RBFOX1: variants seen among roughly 807,000 people sequenced by gnomAD.
RBFOX1 encodes RNA binding fox-1 homolog 1.
Under a neutral mutation model 57.7 loss-of-function variants are expected in RBFOX1, and 8 were observed. That is an observed-to-expected ratio of 0.14 (90% CI 0.08 to 0.25). RBFOX1 has a LOEUF of 0.25. Among genes scored for constraint, RBFOX1 ranks in the 10% least tolerant of loss-of-function variants. The probability of loss-of-function intolerance (pLI) is 1.00; values close to 1 mark genes in which losing one functional copy is unlikely to be tolerated. For synonymous variants in RBFOX1, 326 were observed against 222.4 expected (o/e 1.47, Z -4.15); for missense variants, 611 against 548.5 (o/e 1.11, Z -1.14).
intron 4 of RBFOX1, among the ~76,000 whole-genome samples, chr16:7,490,644 A>C (rs1196409770): frequency 6.6e-6 from 1 of 152,196 alleles, no homozygotes; most frequent in African/African-American, 2.4e-5. Flanking sequence ...AACCATGAGG[A>C]AGAAAACAGA....
chr16:7,253,708 C>G (rs1320203855), intron 4 of RBFOX1, among the ~76,000 whole-genome samples: 4 of 152,168 alleles, frequency 2.6e-5, no homozygotes, highest in Non-Finnish European at 5.9e-5. Flanking sequence ...AACCCCTACT[C>G]CATCACCACA....
rs149602108 is a variant in RBFOX1, at chr16:7,098,107, G to T, written c.27+46009G>T. 7.8e-3 allele frequency among the ~76,000 whole-genome samples: 1,189 copies of T among 152,302 alleles called. 11 individuals carry two copies. The highest frequency in any genetic ancestry group is 0.013 in the Non-Finnish European group (856 of 68,028). ...CAAACAGGCAAGTGGTACAAGTGAG[G>T]AAAGGAACACAATTAGTTAATGGAA... On this transcript the variant is annotated intron_variant, in intron 4 of 15. Transcript: ENST00000550418.
intron 3 of RBFOX1, among the ~76,000 whole-genome samples, chr16:7,031,592 C>T (rs182525101): frequency 6.8e-6 from 1 of 147,086 alleles, no homozygotes; most frequent in Non-Finnish European, 1.5e-5. Context: ...CAGAGTGAGA[C>T]CCTGCCTAAA....
chr16:5,290,165 C>T (rs774797797), intron 1 of RBFOX1, among the ~76,000 whole-genome samples: 9 of 152,180 alleles, frequency 5.9e-5, no homozygotes, highest in African/African-American at 1.2e-4. Flanking sequence ...GTCCAGAACA[C>T]GCAAATCTAT....
intron 3 of RBFOX1, among the ~76,000 whole-genome samples, chr16:6,684,089 G>C (rs1478961503): frequency 3.3e-5 from 5 of 152,184 alleles, no homozygotes; most frequent in Non-Finnish European, 7.3e-5. Flanking sequence ...TACACGGTAT[G>C]TTCAAGCAGA....
chr16:7,221,647 G>A (rs1018100910), intron 4 of RBFOX1, among the ~76,000 whole-genome samples: 16 of 152,144 alleles, frequency 1.1e-4, no homozygotes, highest in African/African-American at 3.9e-4. Context: ...GATTACAGGC[G>A]TGAGCCACTG....
chr16:6,294,267 G>T (rs2077818574), intron 1 of RBFOX1, among the ~76,000 whole-genome samples: 1 of 152,194 alleles, frequency 6.6e-6, no homozygotes, highest in Non-Finnish European at 1.5e-5. Flanking sequence ...TGGGGCCTGG[G>T]GAGAGCACAG....
chr16:6,666,806 G>A (rs2098735978), intron 3 of RBFOX1, among the ~76,000 whole-genome samples: 1 of 152,080 alleles, frequency 6.6e-6, no homozygotes, highest in African/African-American at 2.4e-5. Flanking sequence ...ACTGCTAAAT[G>A]TCATCCTGTG....
At chr16:6,638,657 C>G (rs926420503) in intron 2 of RBFOX1, among the ~76,000 whole-genome samples, 3 of 152,100 alleles carry the variant, frequency 2.0e-5, no homozygotes, top group Non-Finnish European at 2.9e-5. Context: ...ATGTTTAGCC[C>G]TTTAATGCCA....
intron 2 of RBFOX1, among the ~76,000 whole-genome samples, chr16:6,421,680 C>G (rs1423474441): frequency 6.6e-6 from 1 of 152,110 alleles, no homozygotes; most frequent in Non-Finnish European, 1.5e-5. Flanking sequence ...CTTTAGATCA[C>G]ACACACAAAA....
chr16:6,497,456 G>C (rs987819362), intron 2 of RBFOX1, among the ~76,000 whole-genome samples: 1 of 152,046 alleles, frequency 6.6e-6, no homozygotes, highest in Non-Finnish European at 1.5e-5. Flanking sequence ...GGAGAAAGAA[G>C]TTGGTGTGAA....
chr16:6,998,331 G>C (rs934851621), intron 3 of RBFOX1, among the ~76,000 whole-genome samples: 4 of 152,108 alleles, frequency 2.6e-5, no homozygotes, highest in African/African-American at 9.7e-5. Context: ...GTCTTCCATT[G>C]TGTTCAAGTG....
intron 3 of RBFOX1, among the ~76,000 whole-genome samples, chr16:5,817,959 G>C (rs888519111): frequency 6.6e-6 from 1 of 151,954 alleles, no homozygotes; most frequent in Non-Finnish European, 1.5e-5. Context: ...AAAAGTGCTG[G>C]GATTACGGGC....
chr16:6,816,033 A>C (rs1295379494), intron 3 of RBFOX1, among the ~76,000 whole-genome samples: 2 of 152,232 alleles, frequency 1.3e-5, no homozygotes, highest in African/African-American at 4.8e-5. Flanking sequence ...ATAATCGGCC[A>C]GGAGCAATGG....
chr16:5,519,092 A>G (rs1357610957), intron 2 of RBFOX1, among the ~76,000 whole-genome samples: 1 of 152,130 alleles, frequency 6.6e-6, no homozygotes, highest in East Asian at 1.9e-4. Context: ...GAGAGGCTCC[A>G]AAAGAAAACC....
At chr16:7,219,003 C>T (rs1429682613) in intron 4 of RBFOX1, among the ~76,000 whole-genome samples, 1 of 152,046 alleles carries the variant, frequency 6.6e-6, no homozygotes, top group African/African-American at 2.4e-5. Context: ...TGCTGGTGGT[C>T]ACAAGAGAAG....
chr16:5,522,118 G>C (rs1347536058), intron 2 of RBFOX1, among the ~76,000 whole-genome samples: 4 of 152,230 alleles, frequency 2.6e-5, no homozygotes, highest in Non-Finnish European at 2.9e-5. Flanking sequence ...GTAAGCTCAT[G>C]CTCCTTCATT....
At chr16:7,117,409 T>G (rs2066153481) in intron 4 of RBFOX1, among the ~76,000 whole-genome samples, 1 of 152,206 alleles carries the variant, frequency 6.6e-6, no homozygotes, top group African/African-American at 2.4e-5. Context: ...TGGGGCATGA[T>G]TATTAAGAGT....
intron 14 of RBFOX1, among the ~76,000 whole-genome samples, chr16:7,680,584 G>A (rs1327956972): frequency 6.6e-6 from 1 of 152,074 alleles, no homozygotes; most frequent in Non-Finnish European, 1.5e-5. Context: ...CATAAAACAT[G>A]CATTTCTTGT....
Sources: gnomAD v4.1 joint callset for allele counts (sites outside exome capture counted in the v4.1 genomes callset) on GRCh38, gnomAD v4.1.1 for gene constraint, MANE v1.5 for transcripts, NCBI Gene and HGNC (gene_info 2026-07-23, HGNC 2026-07-21) for gene names.